Variants in PTPN3 observed in about 807,000 individuals in gnomAD.
PTPN3 encodes protein tyrosine phosphatase non-receptor type 3.
Under a neutral mutation model 132.7 loss-of-function variants are expected in PTPN3, and 96 were observed. The ratio of observed to expected loss-of-function variants is 0.72; its 90% CI spans 0.61 to 0.86. The LOEUF (loss-of-function observed/expected upper bound fraction) is 0.86, where lower values mean the gene tolerates loss of function less well. PTPN3 is among the 40% of genes least tolerant of loss of function. The pLI is 0.00. For synonymous variants in PTPN3, 398 were observed against 429.0 expected, an observed-to-expected ratio of 0.93 and a Z score of 0.89; for missense variants, 1,125 against 1,159.6, an observed-to-expected ratio of 0.97 and a Z score of 0.43.
At chr9:109,432,660 C>T (rs745315928) in intron 10 of PTPN3, among the ~76,000 whole-genome samples, 1 of 152,180 alleles carries the variant, frequency 6.6e-6, no homozygotes, top group Admixed American at 6.5e-5. Flanking sequence ...GTCTTTGGGT[C>T]CCTTTAGAGT....
chr9:109,401,551 T>G (rs1841102692), intron 19 of PTPN3, among the ~76,000 whole-genome samples: 1 of 152,146 alleles, frequency 6.6e-6, no homozygotes, highest in African/African-American at 2.4e-5. Context: ...AAAACACACC[T>G]CAAATTGGAG....
At chr9:109,470,264 G>A (rs1307075658) in intron 1 of PTPN3, among the ~76,000 whole-genome samples, 1 of 152,152 alleles carries the variant, frequency 6.6e-6, no homozygotes, top group Non-Finnish European at 1.5e-5. Context: ...TCTCGTCACT[G>A]TAGACACACA....
chr9:109,486,590 T>G (rs1303015836), intron 1 of PTPN3, among the ~76,000 whole-genome samples: 1 of 152,086 alleles, frequency 6.6e-6, no homozygotes, highest in Non-Finnish European at 1.5e-5. Context: ...GAGGGCATTT[T>G]TAAGAAAGAA....
chr9:109,458,984 C>A (rs1466294913), intron 2 of PTPN3, among the ~76,000 whole-genome samples: 2 of 152,212 alleles, frequency 1.3e-5, no homozygotes, highest in African/African-American at 2.4e-5. Context: ...CCCTTGCCAA[C>A]GAGCAGAGGC....
chr9:109,403,259 T>C (rs994017151), intron 19 of PTPN3, among the ~76,000 whole-genome samples: 1 of 152,208 alleles, frequency 6.6e-6, no homozygotes, highest in Non-Finnish European at 1.5e-5. Context: ...TTGCATTCCT[T>C]CATTTTAAAC....
intron 7 of PTPN3, among the ~76,000 whole-genome samples, chr9:109,439,388 A>G (rs796496407): frequency 2.6e-5 from 4 of 152,256 alleles, no homozygotes; most frequent in African/African-American, 9.6e-5. Context: ...AAAAAAAATT[A>G]GTCCTGATCT....
Position 109,383,512 on chromosome 9 carries a change from T to C in PTPN3, c.2293A>G (p.Met765Val), listed in dbSNP as rs1400002705. 3.1e-6 allele frequency: 5 copies of C among 1,614,028 alleles called. No individual in the cohort carries two copies. The highest frequency in any genetic ancestry group is 1.7e-4 in the Middle Eastern group (1 of 6,060). ...TGGATGTGAAAGCCGCCGTGGTTCATGACGTCGGGGGGATCTGGCCAGTAC... is the reference window on the plus strand; with the variant it reads ...TGGATGTGAAAGCCGCCGTGGTTCACGACGTCGGGGGGATCTGGCCAGTAC... The part of the protein sequence containing the change: ...HQYWPDPPDV[M>V]NHGGFHIQCQ... The change falls in exon 23 of 26, where the codon ATG (methionine) becomes GTG (valine). Residue 765 changes from methionine to valine, a missense_variant. Met to Val is a conservative substitution (Grantham distance 21, BLOSUM62 1). Transcript: ENST00000374541.
intron 25 of PTPN3, among the ~76,000 whole-genome samples, chr9:109,380,214 AATCTATCT>A (rs55963327): frequency 0.026 from 3,801 of 145,866 alleles, 69 homozygotes; most frequent in Admixed American, 0.057. Flanking sequence ...CAGCTAGGAA[AATCTATCT>A]ATCTATCTAT....
At chr9:109,525,704 T>C in the PTPN3 span, among the ~76,000 whole-genome samples, 1 of 152,222 alleles carries the variant, frequency 6.6e-6, no homozygotes, top group African/African-American at 2.4e-5. Context: ...TCCCTCTGTG[T>C]TCAGGAAGGG....
intron 14 of PTPN3, among the ~76,000 whole-genome samples, chr9:109,415,496 G>C (rs572133566): frequency 6.6e-6 from 1 of 152,286 alleles, no homozygotes; most frequent in East Asian, 1.9e-4. Context: ...GCAGAGAAAA[G>C]GTATTTAAGC....
chr9:109,486,373 G>A (rs894636957), intron 1 of PTPN3, among the ~76,000 whole-genome samples: 6 of 152,148 alleles, frequency 3.9e-5, no homozygotes, highest in Non-Finnish European at 5.9e-5. Flanking sequence ...AGGTACAGGC[G>A]CAAGGGGCCT....
chr9:109,383,899 GC>G (rs527606574), intron 22 of PTPN3, among the ~76,000 whole-genome samples: 1 of 151,968 alleles, frequency 6.6e-6, no homozygotes, highest in South Asian at 2.1e-4. Flanking sequence ...AGCCCCTCAG[GC>G]CCCTCCCCAC....
chr9:109,392,109 C>T (rs934463686), intron 19 of PTPN3, among the ~76,000 whole-genome samples: 2 of 152,164 alleles, frequency 1.3e-5, no homozygotes, highest in Admixed American at 1.3e-4. Context: ...TCTCAAACAA[C>T]ACAATCTTTG....
intron 22 of PTPN3, among the ~76,000 whole-genome samples, chr9:109,386,562 G>A (rs1418103554): frequency 6.6e-6 from 1 of 152,180 alleles, no homozygotes; most frequent in African/African-American, 2.4e-5. Context: ...ATGTCCTGGA[G>A]AGAGGGGATG....
intron 10 of PTPN3, among the ~76,000 whole-genome samples, chr9:109,429,355 G>A (rs1843505972): frequency 1.3e-5 from 2 of 152,182 alleles, no homozygotes; most frequent in Non-Finnish European, 2.9e-5. Context: ...TCTGAAGCCT[G>A]TGCTCCTAAG....
chr9:109,454,510 C>A lies in PTPN3; in HGVS notation c.354G>T (p.Gln118His), dbSNP rs1361499086. The A allele has an allele frequency of 1.2e-6, 2 of 1,612,750 alleles. No individual in the cohort carries two copies. Among genetic ancestry groups the A allele is most frequent in the Non-Finnish European group, 1.7e-6 (2 of 1,179,576 alleles). Reference sequence around the variant, plus strand: ...AATGTTGTTACCTGGTTTGTTCTTGCTGCAGTGTGTTGGGATCAGGTATAA... The same window carrying A: ...AATGTTGTTACCTGGTTTGTTCTTGATGCAGTGTGTTGGGATCAGGTATAA... ...RFFIPDPNTLQQEQTRHLYFL... is the reference protein window; with the variant it reads ...RFFIPDPNTLHQEQTRHLYFL... Residue 118 changes from glutamine (Q) to histidine (H), a missense_variant, in exon 5 of 26, where the codon CAG becomes CAT. Transcript: ENST00000374541.
chr9:109,449,190 G>T, intron 5 of PTPN3: 3 of 1,098,280 alleles, frequency 2.7e-6, no homozygotes, highest in Non-Finnish European at 3.3e-6. Context: ...GAGCGCCCCT[G>T]CCCTTGAGGA....
intron 24 of PTPN3, among the ~76,000 whole-genome samples, chr9:109,382,079 G>A (rs1839146807): frequency 6.6e-6 from 1 of 152,246 alleles, no homozygotes; most frequent in East Asian, 1.9e-4. Context: ...GAGAAAGGGT[G>A]TGTGAGGGGA....
chr9:109,525,699 CTG>C, the PTPN3 span, among the ~76,000 whole-genome samples: 1 of 152,216 alleles, frequency 6.6e-6, no homozygotes, highest in South Asian at 2.1e-4. Context: ...GCGTTTCCCT[CTG>C]TGTTCAGGAA....
Sources: allele counts gnomAD v4.1 joint callset (sites outside exome capture counted in the v4.1 genomes callset), GRCh38; gene constraint gnomAD v4.1.1; transcripts MANE v1.5; gene names NCBI Gene and HGNC (gene_info 2026-07-23, HGNC 2026-07-21).